The following RRM1 variants were observed in gnomAD, a reference collection of about 807,000 sequenced individuals.
The protein encoded by RRM1 is ribonucleotide reductase catalytic subunit M1, also known as ribonucleoside-diphosphate reductase large subunit.
In RRM1, 19 loss-of-function variants were observed where a neutral mutation model predicts 101.5. The observed-to-expected ratio is 0.19, with a 90% confidence interval of 0.13 to 0.27. The LOEUF is 0.27. Among genes scored for constraint, RRM1 ranks in the 10% least tolerant of loss-of-function variants. RRM1 has a pLI of 1.00. For missense variants in RRM1, 500 were observed against 962.9 expected, an observed-to-expected ratio of 0.52 and a Z score of 6.36; for synonymous variants, 298 against 323.4, an observed-to-expected ratio of 0.92 and a Z score of 0.84.
At chr11:4,120,716 C>T (rs908380221) in intron 9 of RRM1, among the ~76,000 whole-genome samples, 2 of 152,178 alleles carry the variant, frequency 1.3e-5, no homozygotes, top group Non-Finnish European at 2.9e-5. Context: ...ACAAAACTCT[C>T]CCTAATTGGC....
At chr11:4,108,913 T>C (rs967344350) in intron 4 of RRM1, among the ~76,000 whole-genome samples, 3 of 152,190 alleles carry the variant, frequency 2.0e-5, no homozygotes, top group African/African-American at 7.2e-5. Flanking sequence ...TCCTTAGATA[T>C]GGATCATTAT....
At chr11:4,097,202 C>G (rs1222828570) in intron 1 of RRM1, among the ~76,000 whole-genome samples, 2 of 144,908 alleles carry the variant, frequency 1.4e-5, no homozygotes, top group Non-Finnish European at 3.0e-5. Flanking sequence ...AGGAGAATCG[C>G]TTGAGCCTGG....
chr11:4,123,799 C>A (rs1412556292), intron 12 of RRM1, among the ~76,000 whole-genome samples: 5 of 152,104 alleles, frequency 3.3e-5, no homozygotes, highest in East Asian at 3.9e-4. Context: ...CAAAGTGAGA[C>A]CCTGTCTCAA....
intron 6 of RRM1, 108 bp downstream of exon 6, chr11:4,111,748 G>A: frequency 3.2e-6 from 4 of 1,230,980 alleles, no homozygotes; most frequent in Non-Finnish European, 4.6e-6. Context: ...ATAACATTTT[G>A]GACTTTAGGT....
At chr11:4,121,919 A>G (rs922998769) in intron 10 of RRM1, among the ~76,000 whole-genome samples, 154 bp downstream of exon 10, 1 of 152,210 alleles carries the variant, frequency 6.6e-6, no homozygotes, top group Non-Finnish European at 1.5e-5. Flanking sequence ...TTGTCTTCTT[A>G]TATTTCTATT....
intron 2 of RRM1, chr11:4,105,718 T>G (rs1038177495): frequency 1.1e-5 from 4 of 379,482 alleles, no homozygotes; most frequent in Non-Finnish European, 2.0e-5. Flanking sequence ...CCAGCTAATT[T>G]TTTTTATTAT....
rs112431578 is a variant in RRM1, at chr11:4,132,144, T to C, written c.1770-142T>C. ...TCCCTGTAGGAGTTTAATTTGAAAG[T>C]CAACGTGTGAGTTCAATGCATGTAC... On this transcript the variant is annotated intron_variant, in intron 15 of 18. Transcript: ENST00000300738. The surrounding 1 kb of genome is among the most constrained non-coding windows in gnomAD (Gnocchi z 4.1). 2,586 of 809,248 alleles carry C rather than the reference T, an allele frequency of 3.2e-3. 12 individuals carry two copies. Among genetic ancestry groups the C allele is most frequent in the Non-Finnish European group, 3.6e-3 (1,808 of 506,508 alleles). The allele number at this position is 809,248 out of a possible 1,614,324, so 50.1% of individuals were successfully genotyped here. A position where few individuals can be genotyped will look rare whatever the true frequency, so the allele number is the denominator to read the frequency against.
At chr11:4,135,408 C>T (rs752238155) in intron 18 of RRM1, 138 bp downstream of exon 18, 1 of 620,274 alleles carries the variant, frequency 1.6e-6, no homozygotes, top group Non-Finnish European at 2.6e-6. Context: ...TTAAAACCAA[C>T]CCATGGTTTT....
chr11:4,137,843 T>G (rs564451136), intron 18 of RRM1, among the ~76,000 whole-genome samples: 4 of 8,286 alleles, frequency 4.8e-4, no homozygotes, highest in African/African-American at 9.8e-4. Flanking sequence ...CTGGCCGGGC[T>G]GGGGGCTGAC....
chr11:4,121,462 A>T (rs1372311010), intron 9 of RRM1, 142 bp from the exon 10 acceptor site: 9 of 513,004 alleles, frequency 1.8e-5, no homozygotes, highest in Admixed American at 4.0e-5. Flanking sequence ...TGGAAAACTT[A>T]CACTTTTATA....
intron 1 of RRM1, 123 bp downstream of exon 1, chr11:4,095,154 C>T: frequency 1.6e-6 from 2 of 1,228,886 alleles, no homozygotes; most frequent in Admixed American, 2.0e-5. Context: ...TTTCCCGCCG[C>T]GGCCTTCCGC....
chr11:4,119,199 T>C (rs2094578098), intron 8 of RRM1: 1 of 152,378 alleles, frequency 6.6e-6, no homozygotes, highest in South Asian at 2.1e-4. Context: ...TATTCCATTA[T>C]GTTGTGTTTT....
intron 1 of RRM1, among the ~76,000 whole-genome samples, chr11:4,097,769 T>G (rs1481045280): frequency 6.6e-6 from 1 of 152,174 alleles, no homozygotes; most frequent in East Asian, 1.9e-4. Flanking sequence ...TTTTTGTTAT[T>G]TTTAATAACA....
At chr11:4,123,138 T>A in intron 11 of RRM1, 45 bp from the exon 12 acceptor site, 1 of 1,463,584 alleles carries the variant, frequency 6.8e-7, no homozygotes, top group African/African-American at 1.4e-5. Flanking sequence ...ACAATAAAGT[T>A]TTTTTAGGGA....
Position 4,123,398 on chromosome 11 carries a change from A to C in RRM1, c.1320+14A>C, listed in dbSNP as rs759617364. ...AGCAAAGATGAGGTAGGTAGAAAAAATTCTTCCTAGAGTACTAAGAAGAGA... is the reference window on the plus strand; with the variant it reads ...AGCAAAGATGAGGTAGGTAGAAAAACTTCTTCCTAGAGTACTAAGAAGAGA... On this transcript the variant is annotated intron_variant, in intron 12 of 18. Coordinates refer to ENST00000300738, the MANE Select transcript of RRM1 (RefSeq NM_001033.5). 11 of 1,606,312 alleles carry C rather than the reference A, an allele frequency of 6.8e-6. No homozygotes were observed. The South Asian group carries it at 1.1e-4, about 16-fold the overall frequency.
At chr11:4,098,200 C>T (rs935486640) in intron 1 of RRM1, among the ~76,000 whole-genome samples, 3 of 152,190 alleles carry the variant, frequency 2.0e-5, no homozygotes, top group African/African-American at 7.2e-5. Flanking sequence ...CAAAAGTTTA[C>T]GAAATAATGT....
chr11:4,126,640 G>A (rs1337594636), intron 12 of RRM1, 44 bp from the exon 13 acceptor site: 4 of 1,569,808 alleles, frequency 2.5e-6, no homozygotes. Flanking sequence ...ACAGGAAGTA[G>A]AAATAAAAAT....
chr11:4,101,756 G>A (rs1440314455), intron 1 of RRM1, among the ~76,000 whole-genome samples: 2 of 152,096 alleles, frequency 1.3e-5, no homozygotes, highest in Non-Finnish European at 2.9e-5. Flanking sequence ...GTGGGATGGG[G>A]GAAAAATTTA....
At position 4,132,497 on chromosome 11, in the gene RRM1, T is replaced by C; in HGVS notation, c.1905+76T>C. 3 of 1,505,864 alleles carry C rather than the reference T, an allele frequency of 2.0e-6. No individual in the cohort carries two copies. The highest frequency in any genetic ancestry group is 2.7e-6 in the Non-Finnish European group (3 of 1,099,338). The allele number at this position is 1,505,864 out of a possible 1,614,324, so 93.3% of individuals were successfully genotyped here. On this transcript the variant is annotated intron_variant, in intron 16 of 18. Transcript: ENST00000300738. The surrounding 1 kb of genome is among the most constrained non-coding windows in gnomAD (Gnocchi z 4.1). ...TTGGGAGTAAATGCTCACTCATGTT[T>C]AATTTGCCCATTTTCTTAGTTTGGG...
Sources: gnomAD v4.1 joint callset for allele counts (sites outside exome capture counted in the v4.1 genomes callset) on GRCh38, gnomAD v4.1.1 for gene constraint, Gnocchi (gnomAD v3.1) non-coding constraint, MANE v1.5 for transcripts, NCBI Gene and HGNC (gene_info 2026-07-23, HGNC 2026-07-21) for gene names.